NR6A1: variants seen among roughly 807,000 people sequenced by gnomAD.
NR6A1 encodes the protein retinoic acid receptor-related testis-associated receptor.
NR6A1 carries 7 observed loss-of-function variants against 59.1 expected under a neutral mutation model. That is an observed-to-expected ratio of 0.12 (90% CI 0.07 to 0.22). The LOEUF is 0.22. NR6A1 is among the 10% of genes least tolerant of loss of function. NR6A1 has a pLI of 1.00. For synonymous variants in NR6A1, 243 were observed against 236.1 expected (o/e 1.03, Z -0.27); for missense variants, 468 against 611.6 (o/e 0.77, Z 2.48).
At chr9:124,689,880 C>T (rs1433995939) in intron 2 of NR6A1, among the ~76,000 whole-genome samples, 2 of 152,182 alleles carry the variant, frequency 1.3e-5, no homozygotes, top group African/African-American at 4.8e-5. Context: ...ATCCACCAGG[C>T]ATCCTCTTTG....
At chr9:124,716,102 G>C (rs1839411133) in intron 2 of NR6A1, among the ~76,000 whole-genome samples, 1 of 152,142 alleles carries the variant, frequency 6.6e-6, no homozygotes, top group Non-Finnish European at 1.5e-5. Flanking sequence ...TACTTGGGAG[G>C]CTGAGGCAGG....
At chr9:124,698,457 C>G (rs1375745762) in intron 2 of NR6A1, 1 of 152,084 alleles carries the variant, frequency 6.6e-6, no homozygotes, top group Non-Finnish European at 1.5e-5. Context: ...GGGAGGTGGT[C>G]ACTTTGGAGG....
At chr9:124,524,930 T>C in intron 8 of NR6A1, 57 bp from the exon 9 acceptor site, 3 of 1,530,944 alleles carry the variant, frequency 2.0e-6, no homozygotes, top group African/African-American at 1.4e-5. Context: ...GGCATTCTAA[T>C]GTGGAAGAAA....
At chr9:124,758,746 G>A (rs1419209544) in intron 1 of NR6A1, among the ~76,000 whole-genome samples, 3 of 152,148 alleles carry the variant, frequency 2.0e-5, no homozygotes, top group African/African-American at 7.2e-5. Context: ...AGCAGAACAG[G>A]GAAACAGTTT....
intron 2 of NR6A1, among the ~76,000 whole-genome samples, chr9:124,625,718 T>G (rs910327886): frequency 1.3e-5 from 2 of 151,838 alleles, no homozygotes; most frequent in South Asian, 2.1e-4. Flanking sequence ...TGGGTGTGTC[T>G]GGGGGGGGCT....
At chr9:124,555,936 C>T (rs1423644792) in intron 2 of NR6A1, among the ~76,000 whole-genome samples, 2 of 152,144 alleles carry the variant, frequency 1.3e-5, no homozygotes, top group Admixed American at 6.5e-5. Flanking sequence ...GAAAAGCTTT[C>T]GAAGGCAATG....
chr9:124,725,713 G>C (rs547986245), intron 2 of NR6A1, among the ~76,000 whole-genome samples: 1 of 152,320 alleles, frequency 6.6e-6, no homozygotes, highest in Admixed American at 6.5e-5. Flanking sequence ...CAAGGCAGGA[G>C]GATCACTTGA....
At chr9:124,595,276 G>C (rs934388392) in intron 2 of NR6A1, among the ~76,000 whole-genome samples, 4 of 152,132 alleles carry the variant, frequency 2.6e-5, no homozygotes, top group Non-Finnish European at 5.9e-5. Flanking sequence ...GTAAAGTATA[G>C]AAGCTCCCTA....
chr9:124,710,166 C>T (rs767848374), intron 2 of NR6A1, among the ~76,000 whole-genome samples: 3 of 152,008 alleles, frequency 2.0e-5, no homozygotes, highest in Non-Finnish European at 2.9e-5. Flanking sequence ...TGATCAGACA[C>T]GAGACAAGTC....
In NR6A1 at chr9:124,526,873, G is replaced by A. The variant is rs202064939; in HGVS notation, c.1107C>T (p.Ile369=). ...TGTGATAGAGGTAGATGAGCCGCTCGATCACCTCCATCCCTTCATCACTAA... is the reference window on the plus strand; with the variant it reads ...TGTGATAGAGGTAGATGAGCCGCTCAATCACCTCCATCCCTTCATCACTAA... ...HRFSDEGMEV[I]ERLIYLYHKF... Residue 369 remains isoleucine (I), a synonymous_variant, in exon 8 of 10, where the codon ATC becomes ATT. Transcript: ENST00000487099. The A allele has an allele frequency of 1.4e-5, 23 of 1,613,962 alleles. No homozygotes were observed. The highest frequency in any genetic ancestry group is 1.6e-4 in the Middle Eastern group (1 of 6,062).
intron 2 of NR6A1, among the ~76,000 whole-genome samples, chr9:124,581,940 C>A (rs1298270243): frequency 6.6e-6 from 1 of 152,018 alleles, no homozygotes. Context: ...CTGGCGAGGC[C>A]GTGGAGAAAT....
intron 2 of NR6A1, among the ~76,000 whole-genome samples, chr9:124,589,098 G>A (rs1835026585): frequency 6.6e-6 from 1 of 152,076 alleles, no homozygotes; most frequent in Admixed American, 6.6e-5. Flanking sequence ...TAAAAGAGTC[G>A]AGGATAGCAG....
At chr9:124,761,290 T>C (rs1219891898) in intron 1 of NR6A1, among the ~76,000 whole-genome samples, 6 of 152,226 alleles carry the variant, frequency 3.9e-5, no homozygotes, top group Non-Finnish European at 1.5e-5. Flanking sequence ...TCAAGATAAT[T>C]AGAGCTCTTA....
intron 2 of NR6A1, among the ~76,000 whole-genome samples, chr9:124,687,295 T>TTAATTAATTAA (rs571265880): frequency 6.5e-3 from 336 of 51,816 alleles, no homozygotes; most frequent in African/African-American, 0.026. Context: ...TAATTAATTA[T>TTAATTAATTAA]TTATTTATTT....
At chr9:124,631,839 C>A (rs1309472807) in intron 2 of NR6A1, among the ~76,000 whole-genome samples, 1 of 152,172 alleles carries the variant, frequency 6.6e-6, no homozygotes, top group Non-Finnish European at 1.5e-5. Context: ...CTCTGGTAAG[C>A]CCCAGTATGT....
At chr9:124,627,761 C>T (rs575428821) in intron 2 of NR6A1, among the ~76,000 whole-genome samples, 3 of 151,916 alleles carry the variant, frequency 2.0e-5, no homozygotes, top group South Asian at 2.1e-4. Context: ...TTTGTACAAA[C>T]GGGGCCTTGT....
intron 2 of NR6A1, among the ~76,000 whole-genome samples, chr9:124,597,519 G>C (rs1211726966): frequency 6.6e-6 from 1 of 152,156 alleles, no homozygotes; most frequent in East Asian, 1.9e-4. Context: ...GTAAGCCTCT[G>C]TGCTTTACTG....
chr9:124,639,515 T>C (rs1393157242), intron 2 of NR6A1, among the ~76,000 whole-genome samples: 1 of 152,122 alleles, frequency 6.6e-6, no homozygotes, highest in East Asian at 1.9e-4. Context: ...AAGAACCAAA[T>C]CTCAAACTTA....
chr9:124,545,065 G>A (rs1387250026), intron 3 of NR6A1, among the ~76,000 whole-genome samples: 1 of 152,170 alleles, frequency 6.6e-6, no homozygotes, highest in African/African-American at 2.4e-5. Flanking sequence ...CAAAAGGTGG[G>A]AGCTCCAAGT....
Sources: gnomAD v4.1 joint callset for allele counts (sites outside exome capture counted in the v4.1 genomes callset) on GRCh38, gnomAD v4.1.1 for gene constraint, MANE v1.5 for transcripts, NCBI Gene and HGNC (gene_info 2026-07-23, HGNC 2026-07-21) for gene names.